THSD7A: variants seen among roughly 807,000 people sequenced by gnomAD.
The protein encoded by THSD7A is thrombospondin type-1 domain-containing protein 7A.
Under a neutral mutation model 231.3 loss-of-function variants are expected in THSD7A, and 96 were observed. The observed-to-expected ratio is 0.41, with a 90% CI of 0.35 to 0.49. The LOEUF is 0.49. Ranked by LOEUF, THSD7A falls within the 20% of genes least tolerant of loss-of-function variation. The pLI, the probability that THSD7A is intolerant of heterozygous loss-of-function variation, is 0.05. For synonymous variants in THSD7A, 940 were observed against 743.3 expected (o/e 1.26, Z -4.30); for missense variants, 2,290 against 2,070.2 (o/e 1.11, Z -2.06).
intron 16 of THSD7A, among the ~76,000 whole-genome samples, chr7:11,422,899 C>G (rs1044852080): frequency 6.6e-6 from 1 of 152,316 alleles, no homozygotes; most frequent in African/African-American, 2.4e-5. Flanking sequence ...GATCTGCCTT[C>G]CTCGGCCTCC....
chr7:11,376,160 T>C (rs1246569670), intron 27 of THSD7A, among the ~76,000 whole-genome samples: 1 of 152,042 alleles, frequency 6.6e-6, no homozygotes, highest in Non-Finnish European at 1.5e-5. Context: ...AAAATCATAG[T>C]AGGGTCATTT....
chr7:11,708,839 T>C (rs938319482), intron 1 of THSD7A, among the ~76,000 whole-genome samples: 1 of 150,782 alleles, frequency 6.6e-6, no homozygotes, highest in East Asian at 2.0e-4. Context: ...TTAAAGAATT[T>C]AGATGTAAAG....
chr7:11,727,426 G>A (rs1308400797), intron 1 of THSD7A, among the ~76,000 whole-genome samples: 1 of 151,910 alleles, frequency 6.6e-6, no homozygotes, highest in African/African-American at 2.4e-5. Context: ...CATAATAGGA[G>A]AAGGAAGAGT....
Position 11,693,127 on chromosome 7 carries a change from T to A in THSD7A, c.191-56166A>T, listed in dbSNP as rs116898346. Among the ~76,000 whole-genome samples the A allele has an allele frequency of 1.6e-3, 243 of 151,658 alleles. 1 individual carries two copies. The highest frequency in any genetic ancestry group is 2.6e-3 in the Non-Finnish European group (177 of 67,712). ...AGAATATAAACTTGTCCCTAAACTT[T>A]TCAGGAAACACCTTAAAGAGAATTT... On this transcript the variant is annotated intron_variant, in intron 1 of 27. Coordinates refer to ENST00000423059, the MANE Select transcript of THSD7A (RefSeq NM_015204.3).
At chr7:11,534,231 C>T (rs1421403983) in intron 6 of THSD7A, among the ~76,000 whole-genome samples, 2 of 152,086 alleles carry the variant, frequency 1.3e-5, no homozygotes, top group Non-Finnish European at 2.9e-5. Context: ...AAATTATTTG[C>T]CATAATTCTT....
intron 8 of THSD7A, among the ~76,000 whole-genome samples, chr7:11,472,164 CA>C (rs1785963791): frequency 6.6e-6 from 1 of 152,076 alleles, no homozygotes; most frequent in Non-Finnish European, 1.5e-5. Flanking sequence ...CTTCCTTTGG[CA>C]AGGCAATTGG....
chr7:11,399,104 A>G (rs1783302517), intron 23 of THSD7A, among the ~76,000 whole-genome samples: 1 of 152,208 alleles, frequency 6.6e-6, no homozygotes, highest in Admixed American at 6.5e-5. Flanking sequence ...CACCAGCCTG[A>G]TCAAATCTCA....
intron 1 of THSD7A, among the ~76,000 whole-genome samples, chr7:11,654,681 T>C (rs6978802): frequency 0.059 from 8,982 of 152,006 alleles, 286 homozygotes; most frequent in East Asian, 0.13. Context: ...AAAAATATAT[T>C]AGTATTGGTT....
chr7:11,382,924 T>TTA (rs140393382), intron 23 of THSD7A, among the ~76,000 whole-genome samples: 6,393 of 147,400 alleles, frequency 0.043, 169 homozygotes, highest in African/African-American at 0.079. Context: ...ATATATATAG[T>TTA]TATATATATA....
At chr7:11,452,827 G>A (rs117115784) in intron 11 of THSD7A, among the ~76,000 whole-genome samples, 1 of 151,934 alleles carries the variant, frequency 6.6e-6, no homozygotes, top group Non-Finnish European at 1.5e-5. Context: ...ATATTCATAG[G>A]AAGTTAAACA....
In THSD7A at chr7:11,474,240, T is replaced by C. The variant is rs1786053343; in HGVS notation, c.2252+94A>G. On this transcript the variant is annotated intron_variant, in intron 8 of 27. Coordinates refer to ENST00000423059, the MANE Select transcript of THSD7A (RefSeq NM_015204.3). The surrounding 1 kb of genome is among the most constrained non-coding windows in gnomAD (Gnocchi z 4.1). ...CTCTTGAGGACAGGTATGACAAGCA[T>C]CAAAATGTTCCATTTCATGAAGCCA... 2 of 1,078,212 alleles carry C rather than the reference T, an allele frequency of 1.9e-6. No homozygotes were observed. Among genetic ancestry groups the C allele is most frequent in the Non-Finnish European group, 2.7e-6 (2 of 748,504 alleles). 66.8% of individuals were successfully genotyped at this position (1,078,212 alleles called of 1,614,324 possible). A position where few individuals can be genotyped will look rare whatever the true frequency, so the allele number is the denominator to read the frequency against.
chr7:11,393,378 A>T (rs1189144619), intron 23 of THSD7A, among the ~76,000 whole-genome samples: 1 of 152,188 alleles, frequency 6.6e-6, no homozygotes, highest in East Asian at 1.9e-4. Flanking sequence ...CCAACATCAA[A>T]GGTAGATAAA....
intron 1 of THSD7A, among the ~76,000 whole-genome samples, chr7:11,653,446 A>ATG (rs1324087513): frequency 4.3e-5 from 4 of 93,626 alleles, no homozygotes; most frequent in East Asian, 4.2e-4. Flanking sequence ...CCACTCCCAG[A>ATG]TATGTGTGTG....
At chr7:11,626,132 G>T (rs922371379) in intron 2 of THSD7A, among the ~76,000 whole-genome samples, 4 of 152,008 alleles carry the variant, frequency 2.6e-5, no homozygotes, top group Admixed American at 6.6e-5. Context: ...TCCATCAAAG[G>T]TTTAAAATAC....
chr7:11,522,704 T>C (rs1251041240), intron 6 of THSD7A, among the ~76,000 whole-genome samples: 2 of 152,192 alleles, frequency 1.3e-5, no homozygotes, highest in African/African-American at 4.8e-5. Context: ...GAAATAGTGA[T>C]ATAATAGCTC....
At chr7:11,594,160 C>T (rs1780273730) in intron 2 of THSD7A, among the ~76,000 whole-genome samples, 1 of 152,180 alleles carries the variant, frequency 6.6e-6, no homozygotes, top group African/African-American at 2.4e-5. Context: ...TGCTTCCTGC[C>T]CTCGAACATC....
intron 1 of THSD7A, among the ~76,000 whole-genome samples, chr7:11,694,560 A>G (rs1027636937): frequency 6.6e-6 from 1 of 151,552 alleles, no homozygotes; most frequent in Non-Finnish European, 1.5e-5. Context: ...GCTGACTGTG[A>G]TCTCACCAAA....
At chr7:11,652,041 C>A (rs180901597) in intron 1 of THSD7A, among the ~76,000 whole-genome samples, 108 of 151,894 alleles carry the variant, frequency 7.1e-4, no homozygotes, top group African/African-American at 2.5e-3. Context: ...ATATTTTATT[C>A]CTTAATTCTT....
chr7:11,553,635 A>G (rs940777665), intron 4 of THSD7A, among the ~76,000 whole-genome samples: 4 of 152,060 alleles, frequency 2.6e-5, no homozygotes, highest in African/African-American at 9.7e-5. Context: ...AATAATGGAG[A>G]AATTTTATTG....
Sources: gnomAD v4.1 joint callset for allele counts (sites outside exome capture counted in the v4.1 genomes callset) on GRCh38, gnomAD v4.1.1 for gene constraint, Gnocchi (gnomAD v3.1) non-coding constraint, MANE v1.5 for transcripts, NCBI Gene and HGNC (gene_info 2026-07-23, HGNC 2026-07-21) for gene names.